OTUD7A: variants seen among roughly 807,000 people sequenced by gnomAD.
OTUD7A encodes the protein OTU deubiquitinase 7A.
A neutral mutation model predicts 65.7 loss-of-function variants in OTUD7A; 12 were observed. The observed-to-expected ratio is 0.18, with a 90% CI of 0.12 to 0.30. The LOEUF (loss-of-function observed/expected upper bound fraction) is 0.30. Ranked by LOEUF, OTUD7A falls within the 10% of genes least tolerant of loss-of-function variation. The pLI is 1.00. For synonymous variants in OTUD7A, 641 were observed against 586.3 expected, an observed-to-expected ratio of 1.09 and a Z score of -1.35; for missense variants, 1,148 against 1,304.8, an observed-to-expected ratio of 0.88 and a Z score of 1.85.
intron 1 of OTUD7A, among the ~76,000 whole-genome samples, chr15:31,718,100 C>A (rs528587626): frequency 6.6e-6 from 1 of 152,152 alleles, no homozygotes; most frequent in Non-Finnish European, 1.5e-5. Context: ...GATGCTCTGT[C>A]CCCTGTGAAC....
chr15:31,560,602 C>CT (rs1888657908), intron 4 of OTUD7A, among the ~76,000 whole-genome samples: 1 of 152,198 alleles, frequency 6.6e-6, no homozygotes, highest in African/African-American at 2.4e-5. Context: ...AAGGAGAAGT[C>CT]TTTTTAGCAG....
At chr15:31,486,136 A>C (rs1233728337) in intron 12 of OTUD7A, among the ~76,000 whole-genome samples, 2 of 152,140 alleles carry the variant, frequency 1.3e-5, no homozygotes, top group Non-Finnish European at 2.9e-5. Context: ...GAGGCCTGGC[A>C]ATTGCAGGCA....
rs550180490 is a variant in OTUD7A at position 31,623,859 on chromosome 15, C to T, written c.151+31237G>A. Among the ~76,000 whole-genome samples the T allele has an allele frequency of 2.2e-4, 33 of 152,330 alleles. 1 individual carries two copies. The highest frequency in any genetic ancestry group is 9.6e-4 in the East Asian group (5 of 5,182). ...AATCACCTGTCTTCTGCATCGCTCA[C>T]GCTGGGAGCTGTAGACTGGAGCTGT... On this transcript the variant is annotated intron_variant, in intron 3 of 12. Transcript: ENST00000307050.
intron 12 of OTUD7A, among the ~76,000 whole-genome samples, chr15:31,485,179 C>T (rs139055991): frequency 5.2e-4 from 79 of 152,292 alleles, no homozygotes; most frequent in African/African-American, 1.9e-3. Context: ...GACACAGGTC[C>T]CAGGCTGGCC....
At chr15:31,802,097 G>GTA (rs879678129) in intron 1 of OTUD7A, among the ~76,000 whole-genome samples, 15 of 67,316 alleles carry the variant, frequency 2.2e-4, no homozygotes, top group South Asian at 4.6e-4. Context: ...ATATGTGTGT[G>GTA]TATATATGTG....
chr15:31,483,140 G>A lies in OTUD7A; in HGVS notation c.*154C>T. 1.4e-6 allele frequency: 1 copy of A among 704,116 alleles called. No individual in the cohort carries two copies. Among genetic ancestry groups the A allele is most frequent in the South Asian group, 6.4e-5 (1 of 15,504 alleles). The allele number at this position is 704,116 out of a possible 1,614,324, so 43.6% of individuals were successfully genotyped here. On this transcript the variant is annotated 3_prime_UTR_variant, in exon 13 of 13. Coordinates refer to ENST00000307050, the MANE Select transcript of OTUD7A (RefSeq NM_001382637.1). ...CCTGAGTGGCGTCAGTGTAGGTTCA[G>A]GCACCATTAGGAACGTTTGACCAAA...
At chr15:31,603,678 T>A (rs190186321) in intron 3 of OTUD7A, among the ~76,000 whole-genome samples, 29 of 152,310 alleles carry the variant, frequency 1.9e-4, no homozygotes, top group African/African-American at 6.7e-4. Flanking sequence ...TGGGAGAACA[T>A]TTTTGTAATC....
chr15:31,603,707 C>G (rs1394080470), intron 3 of OTUD7A, among the ~76,000 whole-genome samples: 4 of 151,954 alleles, frequency 2.6e-5, no homozygotes, highest in African/African-American at 9.7e-5. Context: ...TAACAATGGG[C>G]TAATATCTAG....
intron 1 of OTUD7A, among the ~76,000 whole-genome samples, chr15:31,677,720 A>C (rs1892624968): frequency 6.6e-6 from 1 of 152,180 alleles, no homozygotes; most frequent in Non-Finnish European, 1.5e-5. Flanking sequence ...AGTCAATTAA[A>C]TCTCTTTCCT....
intron 3 of OTUD7A, among the ~76,000 whole-genome samples, chr15:31,614,994 A>G (rs964973443): frequency 6.6e-6 from 1 of 152,240 alleles, no homozygotes; most frequent in Non-Finnish European, 1.5e-5. Flanking sequence ...CCAAAAGAAT[A>G]GTAAAGGAAT....
intron 1 of OTUD7A, among the ~76,000 whole-genome samples, chr15:31,722,313 A>C (rs1207845070): frequency 6.6e-6 from 1 of 152,038 alleles, no homozygotes; most frequent in Non-Finnish European, 1.5e-5. Context: ...CATCTAGAGA[A>C]AACCAAGCTG....
intron 8 of OTUD7A, among the ~76,000 whole-genome samples, chr15:31,520,450 CAGA>C (rs1360476003): frequency 6.6e-6 from 1 of 152,116 alleles, no homozygotes; most frequent in African/African-American, 2.4e-5. Flanking sequence ...TAGCGATATG[CAGA>C]AGAATGAGAT....
chr15:31,526,157 C>A (rs879847474), intron 8 of OTUD7A, among the ~76,000 whole-genome samples, 192 bp downstream of exon 8: 7 of 152,226 alleles, frequency 4.6e-5, no homozygotes, highest in African/African-American at 7.2e-5. Flanking sequence ...TAGCACCTGG[C>A]GGGGCCAGCC....
rs1237352706 is a variant in OTUD7A at position 31,481,928 on chromosome 15, T to G, written c.*1366A>C. ...AGCTATTCTAAGGCTCTCACAGGTT[T>G]TATAGTATTCTTTGTTAGTGAGGAT... is the stretch of plus-strand genomic sequence containing the variant. On this transcript the variant is annotated 3_prime_UTR_variant, in exon 13 of 13. Coordinates refer to ENST00000307050, the MANE Select transcript of OTUD7A (RefSeq NM_001382637.1). 1 of 152,188 alleles carries G rather than the reference T, an allele frequency of 6.6e-6. No homozygotes were observed. Among genetic ancestry groups the G allele is most frequent in the African/African-American group, 2.4e-5 (1 of 41,444 alleles). The allele number at this position is 152,188 out of a possible 1,614,324, so 9.4% of individuals were successfully genotyped here. A position where few individuals can be genotyped will look rare whatever the true frequency, so the allele number is the denominator to read the frequency against.
intron 1 of OTUD7A, among the ~76,000 whole-genome samples, chr15:31,798,943 A>AAAAG (rs1896046380): frequency 6.6e-6 from 1 of 152,210 alleles, no homozygotes; most frequent in Admixed American, 6.5e-5. Flanking sequence ...ACCACTTTCA[A>AAAAG]AAAGAACTCT....
At chr15:31,839,700 G>C (rs1401633452) in intron 1 of OTUD7A, among the ~76,000 whole-genome samples, 2 of 152,174 alleles carry the variant, frequency 1.3e-5, no homozygotes, top group Non-Finnish European at 2.9e-5. Flanking sequence ...TAACTTGTGT[G>C]TGTGAGGGGA....
intron 1 of OTUD7A, chr15:31,767,853 G>T: frequency 9.6e-7 from 1 of 1,045,298 alleles, no homozygotes; most frequent in Non-Finnish European, 1.5e-6. Flanking sequence ...CTCAATTCTG[G>T]ATGCCTTCGT....
intron 5 of OTUD7A, among the ~76,000 whole-genome samples, chr15:31,533,867 A>C (rs1887711617): frequency 6.6e-6 from 1 of 152,228 alleles, no homozygotes; most frequent in Admixed American, 6.5e-5. Flanking sequence ...ATGTTGAATA[A>C]ATATTTAAAA....
chr15:31,499,446 C>T (rs759124913), intron 10 of OTUD7A, among the ~76,000 whole-genome samples: 1 of 152,246 alleles, frequency 6.6e-6, no homozygotes, highest in South Asian at 2.1e-4. Context: ...GGCCAGCTCA[C>T]TCCAGCAGGC....
Sources: allele counts gnomAD v4.1 joint callset (sites outside exome capture counted in the v4.1 genomes callset), GRCh38; gene constraint gnomAD v4.1.1; transcripts MANE v1.5; gene names NCBI Gene and HGNC (gene_info 2026-07-23, HGNC 2026-07-21).